Variants in IGSF9B observed in about 807,000 individuals in gnomAD.
IGSF9B encodes the protein protein turtle homolog B.
IGSF9B carries 48 observed loss-of-function variants against 143.7 expected under a neutral mutation model. The ratio of observed to expected loss-of-function variants is 0.33; its 90% CI spans 0.26 to 0.42. The LOEUF is 0.42. Among genes scored for constraint, IGSF9B ranks in the 20% least tolerant of loss-of-function variants. The pLI is 1.00. For synonymous variants in IGSF9B, 903 were observed against 833.1 expected (o/e 1.08, Z -1.44); for missense variants, 1,706 against 1,980.0 (o/e 0.86, Z 2.63).
chr11:133,922,129 G>GC (rs776587155), intron 17 of IGSF9B, 48 bp downstream of exon 17: 4 of 1,546,164 alleles, frequency 2.6e-6, no homozygotes, highest in Non-Finnish European at 3.6e-6. Flanking sequence ...CTACCTATGC[G>GC]CCCCCTGCCA....
At position 133,942,235 on chromosome 11, in the gene IGSF9B, TC is replaced by T. The variant is rs1312415223; in HGVS notation, c.409+1984del. Among the ~76,000 whole-genome samples the T allele has an allele frequency of 2.0e-5, 3 of 152,292 alleles. No individual in the cohort carries two copies. In the South Asian group the frequency reaches 6.2e-4, roughly 32 times the overall value. On this transcript the variant is annotated intron_variant, in intron 3 of 19. Transcript: ENST00000533871. ...TTAACACTCCAGACACTGTGCAAGATCCAGCATTTCACCTAGTCCTCACAGC... is the reference window on the plus strand; with the variant it reads ...TTAACACTCCAGACACTGTGCAAGATCAGCATTTCACCTAGTCCTCACAGC...
intron 18 of IGSF9B, among the ~76,000 whole-genome samples, chr11:133,917,038 C>T (rs974553504): frequency 2.0e-5 from 3 of 152,278 alleles, no homozygotes; most frequent in Middle Eastern, 3.4e-3. Context: ...TTTATGGAGG[C>T]CACTCTTAGG....
At position 133,926,994 on chromosome 11, in the gene IGSF9B, C is replaced by T; in HGVS notation, c.1729G>A (p.Ala577Thr). The part of the protein sequence containing the change: ...LLVDTLEPET[A>T]YQFSVLAQNK... ...TGGGCCAGGACGCTGAACTGGTACG[C>T]TGTCTCAGGCTCCAGGGTGTCCACC... Residue 577 changes from alanine to threonine, a missense_variant, in exon 13 of 20, where the codon GCG becomes ACG. Coordinates refer to ENST00000533871, the MANE Select transcript of IGSF9B (RefSeq NM_001277285.4). The T allele has an allele frequency of 4.4e-6, 7 of 1,585,152 alleles. No individual in the cohort carries two copies. The highest frequency in any genetic ancestry group is 6.0e-6 in the Non-Finnish European group (7 of 1,166,260).
chr11:133,923,033 G>A (rs1293095473), intron 15 of IGSF9B, among the ~76,000 whole-genome samples: 1 of 152,234 alleles, frequency 6.6e-6, no homozygotes, highest in African/African-American at 2.4e-5. Context: ...CTTCTGCAAA[G>A]CACCTTCATG....
At position 133,903,797 on chromosome 11, in the gene IGSF9B, C is replaced by A. The variant is rs906396001; in HGVS notation, c.*5272G>T. 3.9e-5 allele frequency among the ~76,000 whole-genome samples: 6 copies of A among 152,116 alleles called. No individual in the cohort carries two copies. In the East Asian group the frequency reaches 9.6e-4, roughly 24 times the overall value. On this transcript the variant is annotated 3_prime_UTR_variant, in exon 20 of 20. Transcript: ENST00000533871. ...AGGAACCCAGAAATAAGGCTCTGAA[C>A]CAGTGTGGATTCACTCGCAGTCAGA...
intron 1 of IGSF9B, among the ~76,000 whole-genome samples, chr11:133,947,498 G>C (rs934414859): frequency 4.6e-5 from 7 of 152,226 alleles, no homozygotes; most frequent in Non-Finnish European, 1.0e-4. Context: ...CTTAAAGACA[G>C]AGAGCCAGCT....
chr11:133,942,247 C>G (rs1430840354), intron 3 of IGSF9B, among the ~76,000 whole-genome samples: 1 of 152,210 alleles, frequency 6.6e-6, no homozygotes, highest in Non-Finnish European at 1.5e-5. Flanking sequence ...CAGCATTTCA[C>G]CTAGTCCTCA....
intron 18 of IGSF9B, among the ~76,000 whole-genome samples, chr11:133,914,106 T>A (rs1261612081): frequency 3.3e-5 from 5 of 152,204 alleles, no homozygotes; most frequent in African/African-American, 1.2e-4. Context: ...ATCACTGTTG[T>A]CATTTTTATC....
rs778574126 is a variant in IGSF9B, at chr11:133,920,845, G to A, written c.2880C>T (p.Pro960=). ...ACCCATAATACTGGCCATGGTGGAA[G>A]GGCCGGGGGGCAGGGGGCCGGGCCT... is the stretch of plus-strand genomic sequence containing the variant. ...TGQARPPAPR[P]FHHGQYYGYL... is the part of the protein sequence containing the mutation. Residue 960 remains proline (P), a synonymous_variant, in exon 18 of 20, where the codon CCC becomes CCT. Coordinates refer to ENST00000533871, the MANE Select transcript of IGSF9B (RefSeq NM_001277285.4). The A allele has an allele frequency of 3.4e-5, 55 of 1,599,774 alleles. No individual in the cohort carries two copies. The highest frequency in any genetic ancestry group is 4.7e-5 in the Non-Finnish European group (55 of 1,172,340).
intron 1 of IGSF9B, among the ~76,000 whole-genome samples, 181 bp downstream of exon 1, chr11:133,956,510 G>T (rs1226424602): frequency 1.1e-5 from 1 of 94,320 alleles, no homozygotes; most frequent in Non-Finnish European, 2.1e-5. Flanking sequence ...CGGCCCCCAG[G>T]CCCTCCCCGG....
chr11:133,947,535 A>G lies in IGSF9B; in HGVS notation c.65-1277T>C, dbSNP rs533636115. Among the ~76,000 whole-genome samples the G allele has an allele frequency of 7.2e-5, 11 of 152,308 alleles. No homozygotes were observed. The East Asian group carries it at 2.1e-3, about 29-fold the overall frequency. On this transcript the variant is annotated intron_variant, in intron 1 of 19. Coordinates refer to ENST00000533871, the MANE Select transcript of IGSF9B (RefSeq NM_001277285.4). ...GGGACTCCCGCAGGGGAGGATGCCC[A>G]GAGGAGGGCAGCACCAGCCCCTGCC...
At position 133,945,670 on chromosome 11, in the gene IGSF9B, G is replaced by A. The variant is rs1310656848; in HGVS notation, c.262+391C>T. ...GCCAAAGATTCATCCATACACTCAGGACGGGAAGGCGCCCCGACTTCAGAG... is the reference window on the plus strand; with the variant it reads ...GCCAAAGATTCATCCATACACTCAGAACGGGAAGGCGCCCCGACTTCAGAG... On this transcript the variant is annotated intron_variant, in intron 2 of 19. Coordinates refer to ENST00000533871, the MANE Select transcript of IGSF9B (RefSeq NM_001277285.4). This position sits in a 1 kb window ranked among gnomAD's most constrained non-coding sequence, Gnocchi z 4.6. 6.6e-6 allele frequency among the ~76,000 whole-genome samples: 1 copy of A among 152,142 alleles called. No homozygotes were observed. Among genetic ancestry groups the A allele is most frequent in the Non-Finnish European group, 1.5e-5 (1 of 68,032 alleles).
At chr11:133,947,708 T>TTCTCTCTCTCTCTCTGTC (rs1940079777) in intron 1 of IGSF9B, among the ~76,000 whole-genome samples, 1 of 134,800 alleles carries the variant, frequency 7.4e-6, no homozygotes, top group Non-Finnish European at 1.6e-5. Flanking sequence ...TCTGTGTTTG[T>TTCTCTCTCTCTCTCTGTC]TCTCTCTCTC....
In IGSF9B at chr11:133,946,278, T is replaced by C; in HGVS notation, c.65-20A>G. 1 of 1,608,442 alleles carries C rather than the reference T, an allele frequency of 6.2e-7. No homozygotes were observed. Among genetic ancestry groups the C allele is most frequent in the Non-Finnish European group, 8.5e-7 (1 of 1,177,230 alleles). ...GGGCGCCTGATGGGGACGGCCAGGTTGGACACAGAAAGGAGGTGACAAAGA... is the reference window on the plus strand; with the variant it reads ...GGGCGCCTGATGGGGACGGCCAGGTCGGACACAGAAAGGAGGTGACAAAGA... On this transcript the variant is annotated intron_variant, in intron 1 of 19. Coordinates refer to ENST00000533871, the MANE Select transcript of IGSF9B (RefSeq NM_001277285.4).
At chr11:133,919,705 G>A in intron 18 of IGSF9B, 37 bp downstream of exon 18, 2 of 1,282,362 alleles carry the variant, frequency 1.6e-6, no homozygotes, top group Non-Finnish European at 2.0e-6. Flanking sequence ...GAAGGAAGTT[G>A]CCCAGGTGCG....
intron 1 of IGSF9B, among the ~76,000 whole-genome samples, chr11:133,951,782 G>A (rs1940163611): frequency 6.6e-6 from 1 of 152,174 alleles, no homozygotes; most frequent in Non-Finnish European, 1.5e-5. Context: ...CCAACTGAGG[G>A]CACCGTGGGC....
intron 18 of IGSF9B, among the ~76,000 whole-genome samples, chr11:133,915,954 A>G (rs1351401009): frequency 6.6e-6 from 1 of 152,224 alleles, no homozygotes; most frequent in Non-Finnish European, 1.5e-5. Flanking sequence ...CCCGCTGACC[A>G]CAAGATGGAA....
intron 7 of IGSF9B, 126 bp from the exon 8 acceptor site, chr11:133,932,339 G>A (rs970161741): frequency 3.2e-6 from 3 of 924,118 alleles, no homozygotes; most frequent in African/African-American, 3.3e-5. Flanking sequence ...AGAGCAGACA[G>A]ACAGACAGAC....
intron 18 of IGSF9B, among the ~76,000 whole-genome samples, chr11:133,914,851 A>G (rs948733321): frequency 6.6e-6 from 1 of 152,208 alleles, no homozygotes; most frequent in Non-Finnish European, 1.5e-5. Context: ...AGCCCTGTGC[A>G]ATCGAATTGC....
Sources: gnomAD v4.1 joint callset for allele counts (sites outside exome capture counted in the v4.1 genomes callset) on GRCh38, gnomAD v4.1.1 for gene constraint, Gnocchi (gnomAD v3.1) non-coding constraint, MANE v1.5 for transcripts, NCBI Gene and HGNC (gene_info 2026-07-23, HGNC 2026-07-21) for gene names.